The following CMC2 variants were observed in gnomAD, a reference collection of about 807,000 sequenced individuals.
CMC2 encodes C-X9-C motif containing 2, also known as COX assembly mitochondrial protein 2 homolog.
CMC2 carries 5 observed loss-of-function variants against 7.5 expected under a neutral mutation model. The observed-to-expected ratio is 0.66, with a 90% confidence interval of 0.35 to 1.40. The LOEUF is 1.40. Among genes scored for constraint, CMC2 ranks in the 40% most tolerant of loss-of-function variants. The pLI is 0.04. For missense variants in CMC2, 115 were observed against 92.3 expected (o/e 1.25, Z -1.01); for synonymous variants, 37 against 31.4 (o/e 1.18, Z -0.60).
intron 2 of CMC2, among the ~76,000 whole-genome samples, chr16:80,995,702 C>A (rs1968362830): frequency 6.6e-6 from 1 of 152,086 alleles, no homozygotes; most frequent in South Asian, 2.1e-4. Flanking sequence ...CTAACAAATT[C>A]TAGAACTGCA....
chr16:80,987,125 G>C (rs550995659), intron 2 of CMC2, among the ~76,000 whole-genome samples: 2 of 152,132 alleles, frequency 1.3e-5, no homozygotes, highest in African/African-American at 4.8e-5. Context: ...GAAAGTTTTG[G>C]GACCCTAGTG....
chr16:80,990,467 G>A (rs1226229251), intron 2 of CMC2, among the ~76,000 whole-genome samples: 1 of 152,136 alleles, frequency 6.6e-6, no homozygotes, highest in Non-Finnish European at 1.5e-5. Flanking sequence ...ACCGCCACCG[G>A]CCAAAAGATT....
At chr16:81,002,559 G>A (rs952028010) in intron 1 of CMC2, among the ~76,000 whole-genome samples, 1 of 152,100 alleles carries the variant, frequency 6.6e-6, no homozygotes, top group Admixed American at 6.5e-5. Flanking sequence ...TTACAATTCA[G>A]AAACAAGCTT....
intron 1 of CMC2, among the ~76,000 whole-genome samples, chr16:81,003,900 T>C (rs901683785): frequency 6.6e-6 from 1 of 152,220 alleles, no homozygotes; most frequent in Non-Finnish European, 1.5e-5. Context: ...TCTTGACCTA[T>C]ATATCTCAGT....
At chr16:80,993,451 G>C (rs912742403) in intron 2 of CMC2, among the ~76,000 whole-genome samples, 1 of 152,166 alleles carries the variant, frequency 6.6e-6, no homozygotes, top group East Asian at 1.9e-4. Flanking sequence ...AGCAGCAAAA[G>C]AACTCCAGAA....
chr16:80,994,707 G>A (rs1269292184), intron 2 of CMC2, among the ~76,000 whole-genome samples: 1 of 152,218 alleles, frequency 6.6e-6, no homozygotes, highest in Non-Finnish European at 1.5e-5. Flanking sequence ...CAGTGGTGAT[G>A]GACAGTGGTA....
intron 1 of CMC2, chr16:81,001,273 C>T (rs1968843501): frequency 6.6e-6 from 1 of 152,162 alleles, no homozygotes; most frequent in African/African-American, 2.4e-5. Context: ...AACAGTACCC[C>T]AAACCTCAGT....
In CMC2 at chr16:80,973,792, G is replaced by A. The variant is rs1021718470; in HGVS notation, c.*2301C>T. 3 of 152,140 alleles carry A rather than the reference G, an allele frequency of 2.0e-5. No homozygotes were observed. Among genetic ancestry groups the A allele is most frequent in the African/African-American group, 7.2e-5 (3 of 41,392 alleles). 9.4% of individuals were successfully genotyped at this position (152,140 alleles called of 1,614,324 possible). A position where few individuals can be genotyped will look rare whatever the true frequency, so the allele number is the denominator to read the frequency against. ...GTAGATCATTGCCATAGCCTTCAGTGTGTACTTTACTCTACAGGGATCAGC... is the reference window on the plus strand; with the variant it reads ...GTAGATCATTGCCATAGCCTTCAGTATGTACTTTACTCTACAGGGATCAGC... On this transcript the variant is annotated 3_prime_UTR_variant, in exon 4 of 4. Coordinates refer to ENST00000219400, the MANE Select transcript of CMC2 (RefSeq NM_020188.5).
intron 2 of CMC2, among the ~76,000 whole-genome samples, chr16:80,987,378 CA>C (rs1415110033): frequency 1.3e-5 from 2 of 152,090 alleles, no homozygotes; most frequent in Non-Finnish European, 2.9e-5. Flanking sequence ...GATGGTTGAA[CA>C]AAAGGTAATT....
chr16:80,994,826 G>A (rs1004199324), intron 2 of CMC2, among the ~76,000 whole-genome samples: 2 of 152,144 alleles, frequency 1.3e-5, no homozygotes, highest in East Asian at 1.9e-4. Context: ...TTACCCAAGA[G>A]AAATAAAATG....
intron 1 of CMC2, among the ~76,000 whole-genome samples, chr16:81,002,018 T>A (rs530955026): frequency 1.3e-5 from 2 of 152,226 alleles, no homozygotes; most frequent in Non-Finnish European, 2.9e-5. Context: ...AAAAATTAAG[T>A]TTCATACAGT....
Position 80,971,312 on chromosome 16 carries a change from G to T in CMC2, c.*4781C>A, listed in dbSNP as rs12919442. On this transcript the variant is annotated 3_prime_UTR_variant, in exon 4 of 4. Coordinates refer to ENST00000219400, the MANE Select transcript of CMC2 (RefSeq NM_020188.5). ...AAGGTAAGTAAGAACGTTCATTGAA[G>T]TTTACAATAGCAAAGACTGGATATC... 0.15 allele frequency: 22,822 copies of T among 151,766 alleles called. 2,020 individuals are homozygous for T. Among genetic ancestry groups the T allele is most frequent in the African/African-American group, 0.26 (10,824 of 41,242 alleles). The allele number at this position is 151,766 out of a possible 1,614,324, so 9.4% of individuals were successfully genotyped here. A position where few individuals can be genotyped will look rare whatever the true frequency, so the allele number is the denominator to read the frequency against.
chr16:81,005,143 T>C (rs1969166189), intron 1 of CMC2, among the ~76,000 whole-genome samples: 2 of 152,216 alleles, frequency 1.3e-5, no homozygotes, highest in South Asian at 4.1e-4. Context: ...AATATATCTT[T>C]TTAGGCTAGG....
At position 80,971,564 on chromosome 16, in the gene CMC2, T is replaced by TTATATATATATATATATATATA. The variant is rs34839018; in HGVS notation, c.*4528_*4529insTATATATATATATATATATATA. On this transcript the variant is annotated 3_prime_UTR_variant, in exon 4 of 4. Coordinates refer to ENST00000219400, the MANE Select transcript of CMC2 (RefSeq NM_020188.5). The stretch of plus-strand genomic sequence containing the variant: ...CTATGGATACTGACATACATACATT[T>TTATATATATATATATATATATA]TATATATATATATATATATATGTAT... The TTATATATATATATATATATATA allele has an allele frequency of 2.5e-5, 3 of 121,244 alleles. No individual in the cohort carries two copies. The highest frequency in any genetic ancestry group is 1.2e-4 in the African/African-American group (3 of 25,706). 7.5% of individuals were successfully genotyped at this position (121,244 alleles called of 1,614,324 possible).
Position 80,975,970 on chromosome 16 carries a change from A to T in CMC2, c.*123T>A, listed in dbSNP as rs1425952474. On this transcript the variant is annotated 3_prime_UTR_variant, in exon 4 of 4. Coordinates refer to ENST00000219400, the MANE Select transcript of CMC2 (RefSeq NM_020188.5). ...GGGTTTTCATATTTCTCCATGGTTC[A>T]ATCTCTCACAGGTCACTTTCCATTC... The T allele has an allele frequency of 7.5e-6, 5 of 664,032 alleles. No individual in the cohort carries two copies. Among genetic ancestry groups the T allele is most frequent in the Non-Finnish European group, 5.4e-6 (2 of 373,414 alleles). 41.1% of individuals were successfully genotyped at this position (664,032 alleles called of 1,614,324 possible). A position where few individuals can be genotyped will look rare whatever the true frequency, so the allele number is the denominator to read the frequency against.
At chr16:80,988,443 T>C in intron 2 of CMC2, 1 of 653,412 alleles carries the variant, frequency 1.5e-6, no homozygotes, top group Non-Finnish European at 2.7e-6. Flanking sequence ...TAAAAACATT[T>C]GTCAATTTCA....
At chr16:80,985,322 A>G (rs1315859779) in intron 2 of CMC2, among the ~76,000 whole-genome samples, 2 of 152,184 alleles carry the variant, frequency 1.3e-5, no homozygotes, top group Admixed American at 1.3e-4. Context: ...CCGGGGCTAC[A>G]TGAAGTCTAA....
rs34776735 is a variant in CMC2 at position 80,967,662 on chromosome 16, T to C, written c.*8431A>G. On this transcript the variant is annotated 3_prime_UTR_variant, in exon 4 of 4. Transcript: ENST00000219400. ...CCTTCCTCGTACTTTTCAATATTTG[T>C]AGCAAGTCCAATCATTAGCTCAATA... is the stretch of plus-strand genomic sequence containing the variant. 0.061 allele frequency: 9,317 copies of C among 152,304 alleles called. 437 individuals carry two copies. Among genetic ancestry groups the C allele is most frequent in the African/African-American group, 0.12 (5,139 of 41,556 alleles). The allele number at this position is 152,304 out of a possible 1,614,324, so 9.4% of individuals were successfully genotyped here.
intron 1 of CMC2, among the ~76,000 whole-genome samples, chr16:81,002,304 T>C (rs972113796): frequency 1.3e-5 from 2 of 151,946 alleles, no homozygotes; most frequent in Non-Finnish European, 2.9e-5. Flanking sequence ...TGGGCGCCTG[T>C]AATCCCAGCT....
Sources: allele counts gnomAD v4.1 joint callset (sites outside exome capture counted in the v4.1 genomes callset), GRCh38; gene constraint gnomAD v4.1.1; transcripts MANE v1.5; gene names NCBI Gene and HGNC (gene_info 2026-07-23, HGNC 2026-07-21).